Variants in LRRK1 observed in about 807,000 individuals in gnomAD.
LRRK1 encodes the protein leucine-rich repeat serine/threonine-protein kinase 1.
LRRK1 carries 113 observed loss-of-function variants against 209.1 expected under a neutral mutation model. The ratio of observed to expected loss-of-function variants is 0.54; its 90% CI spans 0.46 to 0.63. The LOEUF (loss-of-function observed/expected upper bound fraction) is 0.63. Among genes scored for constraint, LRRK1 ranks in the 30% least tolerant of loss-of-function variants. LRRK1 has a pLI of 0.00. For missense variants in LRRK1, 2,284 were observed against 2,632.2 expected, an observed-to-expected ratio of 0.87 and a Z score of 2.89; for synonymous variants, 1,144 against 1,099.7, an observed-to-expected ratio of 1.04 and a Z score of -0.80.
At chr15:101,015,904 C>T (rs1380967343) in intron 12 of LRRK1, among the ~76,000 whole-genome samples, 1 of 151,988 alleles carries the variant, frequency 6.6e-6, no homozygotes, top group Non-Finnish European at 1.5e-5. Context: ...CTGTCAGGGG[C>T]TTGCGAGGGC....
Position 100,983,661 on chromosome 15 carries a change from A to G in LRRK1, c.395A>G (p.His132Arg). Reference sequence around the variant, plus strand: ...GCCGTGGTGGCAGCGTATTTTGGACACACGGCAGTTGTGCAGGAATTGCTT... The same window carrying G: ...GCCGTGGTGGCAGCGTATTTTGGACGCACGGCAGTTGTGCAGGAATTGCTT... ...NPAVVAAYFG[H>R]TAVVQELLES... The change falls in exon 4 of 34, where the codon CAC becomes CGC. Residue 132 changes from histidine to arginine, a missense_variant. Physicochemically the swap from His to Arg is conservative, Grantham distance 29. This residue lies in a region of LRRK1 where 134 missense variants were observed against 191.7 expected (regional missense o/e 0.70). Transcript: ENST00000388948. The G allele has an allele frequency of 6.2e-7, 1 of 1,608,370 alleles. No individual in the cohort carries two copies. The highest frequency in any genetic ancestry group is 8.5e-7 in the Non-Finnish European group (1 of 1,176,262).
At chr15:100,992,039 C>A (rs7170249) in intron 6 of LRRK1, among the ~76,000 whole-genome samples, 8,046 of 152,116 alleles carry the variant, frequency 0.053, 485 homozygotes, top group African/African-American at 0.15. Flanking sequence ...TATAAATGCT[C>A]ATTGTCTTTT....
chr15:101,060,976 G>A (rs576051364), intron 29 of LRRK1, among the ~76,000 whole-genome samples, 195 bp from the exon 30 acceptor site: 7 of 152,224 alleles, frequency 4.6e-5, no homozygotes, highest in Non-Finnish European at 7.4e-5. Flanking sequence ...CTTCTCTGGC[G>A]AATGCCCTTC....
intron 20 of LRRK1, among the ~76,000 whole-genome samples, chr15:101,041,031 C>G (rs899826716): frequency 8.5e-5 from 13 of 152,212 alleles, no homozygotes; most frequent in African/African-American, 3.1e-4. Flanking sequence ...GTCTACCTCT[C>G]TCTCCAGTTC....
intron 4 of LRRK1, among the ~76,000 whole-genome samples, chr15:100,988,004 C>G (rs1026752936): frequency 1.3e-5 from 2 of 152,144 alleles, no homozygotes; most frequent in Admixed American, 1.3e-4. Flanking sequence ...CATTTCATCA[C>G]TCGGCATTAT....
In LRRK1 at chr15:101,011,989, T is replaced by C; in HGVS notation, c.1282-19T>C. The C allele has an allele frequency of 1.9e-6, 3 of 1,572,006 alleles. No individual in the cohort carries two copies. Among genetic ancestry groups the C allele is most frequent in the Non-Finnish European group, 2.6e-6 (3 of 1,160,428 alleles). The stretch of plus-strand genomic sequence containing the variant: ...AAGAGCTAACTAATATACATTTTTT[T>C]TTCTCGTCAATCTCTTAGAAATGTT... On this transcript the variant is annotated intron_variant, in intron 9 of 33. Transcript: ENST00000388948.
chr15:101,028,385 T>C (rs150316500), intron 19 of LRRK1, among the ~76,000 whole-genome samples: 1 of 152,360 alleles, frequency 6.6e-6, no homozygotes, highest in East Asian at 1.9e-4. Flanking sequence ...GTTTCCTCCA[T>C]AAGGCACATC....
At chr15:100,962,221 A>G (rs73484855) in intron 2 of LRRK1, among the ~76,000 whole-genome samples, 7,919 of 152,224 alleles carry the variant, frequency 0.052, 712 homozygotes, top group African/African-American at 0.18. Flanking sequence ...AAAAACACAG[A>G]AAAATAGAAA....
rs1180707456 is a variant in LRRK1 at position 101,021,773 on chromosome 15, TGC to T, written c.1740-70_1740-69del. 71 of 863,148 alleles carry T rather than the reference TGC, an allele frequency of 8.2e-5. No individual in the cohort carries two copies. The African/African-American group carries it at 1.7e-3, about 21-fold the overall frequency. 53.5% of individuals were successfully genotyped at this position (863,148 alleles called of 1,614,324 possible). ...CAGAGGCTGACAGGAGCCACGTGTG[TGC>T]GTGTGTGTGTGTGTGTGTGTGTGTG... On this transcript the variant is annotated intron_variant, in intron 13 of 33. Transcript: ENST00000388948.
At position 101,065,429 on chromosome 15, in the gene LRRK1, C is replaced by G; in HGVS notation, c.4992C>G (p.Asp1664Glu). The change falls in exon 32 of 34, where the codon GAC becomes GAG. Residue 1664 changes from aspartate (D) to glutamate (E), a missense_variant. Transcript: ENST00000388948. ...CCGTGGTGCGGGGCACCCCAAAGGA[C>G]AGCTGCTCCTACCTGTGCTCACACA... ...VFPVVRGTPK[D>E]SCSYLCSHTA... 1 of 1,614,186 alleles carries G rather than the reference C, an allele frequency of 6.2e-7. No homozygotes were observed. The highest frequency in any genetic ancestry group is 8.5e-7 in the Non-Finnish European group (1 of 1,180,046).
intron 2 of LRRK1, among the ~76,000 whole-genome samples, chr15:100,926,472 C>A (rs1596151569): frequency 6.6e-6 from 1 of 151,846 alleles, no homozygotes; most frequent in Non-Finnish European, 1.5e-5. Context: ...TGCTCCCTCC[C>A]CTCCTGGTCA....
At chr15:101,007,103 T>C (rs2032995068) in intron 6 of LRRK1, among the ~76,000 whole-genome samples, 1 of 152,206 alleles carries the variant, frequency 6.6e-6, no homozygotes, top group South Asian at 2.1e-4. Context: ...TCCAAACTCC[T>C]GGAGTGGGCG....
At position 101,037,289 on chromosome 15, in the gene LRRK1, C is replaced by T. The variant is rs1272875597; in HGVS notation, c.2963+8057C>T. 4.6e-5 allele frequency among the ~76,000 whole-genome samples: 7 copies of T among 152,280 alleles called. No homozygotes were observed. In the East Asian group the frequency reaches 1.3e-3, roughly 29 times the overall value. On this transcript the variant is annotated intron_variant, in intron 20 of 33. Transcript: ENST00000388948. ...TGCACAGGGCCACGGGTGACATGTG[C>T]AAGTAGGTACCAGCTGTAGTGGTAA...
In LRRK1 at chr15:100,992,886, C is replaced by T. The variant is rs2032222220; in HGVS notation, c.762+3488C>T. 2.0e-5 allele frequency among the ~76,000 whole-genome samples: 3 copies of T among 152,338 alleles called. 1 individual carries two copies. In the East Asian group the frequency reaches 5.8e-4, roughly 29 times the overall value. ...ATTTCACCATGTTGGTCAGGCTAGT[C>T]TTGACCTCAGGTGATCCACCCGCCT... On this transcript the variant is annotated intron_variant, in intron 6 of 33. Coordinates refer to ENST00000388948, the MANE Select transcript of LRRK1 (RefSeq NM_024652.6).
chr15:101,051,622 G>A (rs746713317), intron 23 of LRRK1, 89 bp from the exon 24 acceptor site: 426 of 1,509,622 alleles, frequency 2.8e-4, no homozygotes, highest in Non-Finnish European at 3.7e-4. Flanking sequence ...TGCTGCGAAG[G>A]CCTCAGGGCC....
At chr15:101,009,120 C>T in intron 7 of LRRK1, 57 bp downstream of exon 7, 2 of 1,288,094 alleles carry the variant, frequency 1.6e-6, no homozygotes, top group Non-Finnish European at 2.2e-6. Context: ...CCGTTGTGCT[C>T]CTGCACATGC....
At chr15:101,063,536 A>T (rs1344755325) in intron 31 of LRRK1, among the ~76,000 whole-genome samples, 1 of 152,228 alleles carries the variant, frequency 6.6e-6, no homozygotes, top group Non-Finnish European at 1.5e-5. Context: ...GGCACGGCTC[A>T]GCCAGCTCTG....
In LRRK1 at chr15:101,015,412, G is replaced by A; in HGVS notation, c.1609+10G>A. ...TCCGGGACTGAGGCAGGTGTGTGTG[G>A]GTTGGGAGACGGTGTTCCCAGATGA... On this transcript the variant is annotated intron_variant, in intron 12 of 33. Coordinates refer to ENST00000388948, the MANE Select transcript of LRRK1 (RefSeq NM_024652.6). 6.2e-7 allele frequency: 1 copy of A among 1,608,530 alleles called. No homozygotes were observed. The highest frequency in any genetic ancestry group is 8.5e-7 in the Non-Finnish European group (1 of 1,176,324).
chr15:100,992,283 G>T (rs1186271586), intron 6 of LRRK1, among the ~76,000 whole-genome samples: 1 of 152,080 alleles, frequency 6.6e-6, no homozygotes, highest in Non-Finnish European at 1.5e-5. Context: ...TTTATTTTCT[G>T]ATTCCTTTTG....
Sources: allele counts gnomAD v4.1 joint callset (sites outside exome capture counted in the v4.1 genomes callset), GRCh38; gene constraint gnomAD v4.1.1; regional missense constraint gnomAD v4.1.1; transcripts MANE v1.5; gene names NCBI Gene and HGNC (gene_info 2026-07-23, HGNC 2026-07-21).